KLHDC1: variants seen among roughly 807,000 people sequenced by gnomAD.
KLHDC1 encodes kelch domain-containing protein 1.
A neutral mutation model predicts 68.3 loss-of-function variants in KLHDC1; 53 were observed. The ratio of observed to expected loss-of-function variants is 0.78; its 90% CI spans 0.62 to 0.98. KLHDC1 has a LOEUF of 0.98. KLHDC1 is among the 50% of genes least tolerant of loss of function. The pLI, the probability that KLHDC1 is intolerant of heterozygous loss-of-function variation, is 0.00. For missense variants in KLHDC1, 470 were observed against 492.3 expected, an observed-to-expected ratio of 0.95 and a Z score of 0.43; for synonymous variants, 148 against 159.0, an observed-to-expected ratio of 0.93 and a Z score of 0.52.
At chr14:49,735,025 T>C (rs185304979) in intron 10 of KLHDC1, among the ~76,000 whole-genome samples, 5 of 152,208 alleles carry the variant, frequency 3.3e-5, no homozygotes, top group African/African-American at 9.6e-5. Context: ...ATAGTAGTTA[T>C]TTGTTTTTGG....
At chr14:49,693,781 CT>C (rs60389673) in intron 1 of KLHDC1, among the ~76,000 whole-genome samples, 31,527 of 53,646 alleles carry the variant, frequency 0.59, 12,226 homozygotes, top group East Asian at 0.9. Context: ...GAGTTTCGCT[CT>C]TGTTGCCCAG....
chr14:49,731,302 T>C (rs570111836), intron 8 of KLHDC1, among the ~76,000 whole-genome samples: 9 of 152,064 alleles, frequency 5.9e-5, no homozygotes, highest in Non-Finnish European at 1.0e-4. Flanking sequence ...AAGTTTCTTA[T>C]AAACAACACA....
chr14:49,745,854 G>A (rs144250279), intron 12 of KLHDC1, among the ~76,000 whole-genome samples: 4 of 152,300 alleles, frequency 2.6e-5, no homozygotes, highest in African/African-American at 7.2e-5. Flanking sequence ...AGTATCTGGT[G>A]TAAAGAGATC....
chr14:49,723,581 A>C (rs908653214), intron 4 of KLHDC1, among the ~76,000 whole-genome samples: 1 of 152,168 alleles, frequency 6.6e-6, no homozygotes, highest in African/African-American at 2.4e-5. Flanking sequence ...GCCAATATAA[A>C]TGTAGCTGTT....
intron 1 of KLHDC1, among the ~76,000 whole-genome samples, chr14:49,694,966 T>C (rs1887691517): frequency 6.6e-6 from 1 of 152,254 alleles, no homozygotes; most frequent in Non-Finnish European, 1.5e-5. Context: ...TGGAGGGTCT[T>C]CCTCTATGTA....
chr14:49,704,307 A>G (rs1338307213), intron 1 of KLHDC1, among the ~76,000 whole-genome samples: 1 of 151,260 alleles, frequency 6.6e-6, no homozygotes, highest in African/African-American at 2.4e-5. Context: ...ACTAATTTAT[A>G]CAAGTTTTAA....
intron 12 of KLHDC1, among the ~76,000 whole-genome samples, chr14:49,745,167 T>G (rs141218249): frequency 6.2e-4 from 95 of 152,306 alleles, no homozygotes; most frequent in African/African-American, 2.3e-3. Flanking sequence ...AGGAGTATAC[T>G]GTGACATTTA....
At chr14:49,733,484 A>G (rs1256425929) in intron 9 of KLHDC1, among the ~76,000 whole-genome samples, 4 of 130,480 alleles carry the variant, frequency 3.1e-5, no homozygotes, top group South Asian at 2.4e-4. Context: ...CTGGAGTGGG[A>G]TGGTGCAATC....
At chr14:49,723,270 C>T (rs1466396874) in intron 4 of KLHDC1, among the ~76,000 whole-genome samples, 1 of 151,812 alleles carries the variant, frequency 6.6e-6, no homozygotes, top group Non-Finnish European at 1.5e-5. Context: ...AACCATATCG[C>T]GCCTGTAATC....
intron 1 of KLHDC1, among the ~76,000 whole-genome samples, chr14:49,702,695 G>A (rs1224808241): frequency 1.3e-5 from 2 of 152,172 alleles, no homozygotes; most frequent in African/African-American, 4.8e-5. Context: ...ACAGCTCATA[G>A]TAGGTGCCCA....
chr14:49,725,615 A>G (rs1444393136), intron 5 of KLHDC1, 71 bp from the exon 6 acceptor site: 3 of 831,624 alleles, frequency 3.6e-6, no homozygotes, highest in South Asian at 1.7e-5. Context: ...ACCAGTAAAT[A>G]TGTGATAAAA....
chr14:49,693,614 C>T (rs966347392), intron 1 of KLHDC1, among the ~76,000 whole-genome samples: 2 of 151,964 alleles, frequency 1.3e-5, no homozygotes, highest in Non-Finnish European at 2.9e-5. Context: ...TCCTTAAATA[C>T]TGGCGCAGAC....
rs762252525 is a variant in KLHDC1, at chr14:49,709,764, G to A, written c.223G>A (p.Ala75Thr). ...AGCCTCCATGTCAGGAAGCTGTGGT[G>A]CTTGCATTAATGGAAAGCTGTACAT... ...LPASMSGSCG[A>T]CINGKLYIFG... The change falls in exon 3 of 13, where the codon GCT becomes ACT. Residue 75 changes from alanine (A) to threonine (T), a missense_variant. Physicochemically the swap from Ala to Thr is moderately conservative, Grantham distance 58 (BLOSUM62 0). Coordinates refer to ENST00000359332, the MANE Select transcript of KLHDC1 (RefSeq NM_172193.3). The A allele has an allele frequency of 6.2e-7, 1 of 1,604,948 alleles. No individual in the cohort carries two copies. The highest frequency in any genetic ancestry group is 2.3e-5 in the East Asian group (1 of 43,982).
At chr14:49,747,685 A>C (rs752192562) in intron 12 of KLHDC1, among the ~76,000 whole-genome samples, 1 of 152,192 alleles carries the variant, frequency 6.6e-6, no homozygotes, top group Non-Finnish European at 1.5e-5. Context: ...CTTAAGATGA[A>C]TGGTGAAGAT....
chr14:49,695,009 T>C (rs1305444204), intron 1 of KLHDC1, among the ~76,000 whole-genome samples: 1 of 152,228 alleles, frequency 6.6e-6, no homozygotes, highest in Non-Finnish European at 1.5e-5. Context: ...TGGTTGTTGC[T>C]GAAGGTTGGA....
At chr14:49,708,306 T>G (rs1888113327) in intron 1 of KLHDC1, 2 of 152,112 alleles carry the variant, frequency 1.3e-5, no homozygotes, top group African/African-American at 4.8e-5. Context: ...ACTCCTAACC[T>G]CAGGTCATCC....
chr14:49,693,487 C>T (rs1173881748), intron 1 of KLHDC1, among the ~76,000 whole-genome samples, 197 bp downstream of exon 1: 9 of 151,836 alleles, frequency 5.9e-5, no homozygotes, highest in Non-Finnish European at 5.9e-5. Flanking sequence ...GTTGCTTCTT[C>T]TATTAAAGCC....
chr14:49,731,062 C>G (rs1371411469), intron 8 of KLHDC1, among the ~76,000 whole-genome samples: 1 of 152,140 alleles, frequency 6.6e-6, no homozygotes, highest in Non-Finnish European at 1.5e-5. Context: ...GGTGGATCAC[C>G]TGAGGTCAGG....
chr14:49,733,089 G>A (rs574640787), intron 9 of KLHDC1, among the ~76,000 whole-genome samples: 1 of 152,262 alleles, frequency 6.6e-6, no homozygotes, highest in Non-Finnish European at 1.5e-5. Context: ...TTCTGTGTCC[G>A]CTGATTTTTG....
Sources: gnomAD v4.1 joint callset for allele counts (sites outside exome capture counted in the v4.1 genomes callset) on GRCh38, gnomAD v4.1.1 for gene constraint, MANE v1.5 for transcripts, NCBI Gene and HGNC (gene_info 2026-07-23, HGNC 2026-07-21) for gene names.